SHTN1: variants seen among roughly 807,000 people sequenced by gnomAD.
SHTN1 encodes shootin 1, also known as shootin-1.
A neutral mutation model predicts 83.1 loss-of-function variants in SHTN1; 42 were observed. The ratio of observed to expected loss-of-function variants is 0.51; its 90% CI spans 0.39 to 0.65. SHTN1 has a LOEUF of 0.65. Among genes scored for constraint, SHTN1 ranks in the 30% least tolerant of loss-of-function variants. The pLI is 0.00. For missense variants in SHTN1, 622 were observed against 737.8 expected, an observed-to-expected ratio of 0.84 and a Z score of 1.82; for synonymous variants, 224 against 247.7, an observed-to-expected ratio of 0.90 and a Z score of 0.90.
chr10:117,119,459 A>T (rs553725243), intron 1 of SHTN1, among the ~76,000 whole-genome samples: 3 of 152,342 alleles, frequency 2.0e-5, no homozygotes, highest in Admixed American at 2.0e-4. Flanking sequence ...AACATCACTG[A>T]TCATCAGAGA....
upstream of SHTN1, among the ~76,000 whole-genome samples, chr10:117,006,358 A>C (rs12254776): frequency 0.02 from 3,087 of 151,650 alleles, 106 homozygotes; most frequent in African/African-American, 0.071. Context: ...CGAGGTCAGG[A>C]GATCGAGACC....
At chr10:117,086,728 T>A (rs1853358009) in intron 1 of SHTN1, among the ~76,000 whole-genome samples, 2 of 152,320 alleles carry the variant, frequency 1.3e-5, no homozygotes, top group East Asian at 1.9e-4. Context: ...AATTATCATA[T>A]GACTCAGAAA....
chr10:116,930,671 A>C (rs1249393953), intron 9 of SHTN1, among the ~76,000 whole-genome samples: 1 of 152,178 alleles, frequency 6.6e-6, no homozygotes, highest in Non-Finnish European at 1.5e-5. Flanking sequence ...TTGCTGTTGC[A>C]TATAGTGCTG....
intron 1 of SHTN1, among the ~76,000 whole-genome samples, chr10:117,071,046 TTTTA>T (rs1324608349): frequency 4.6e-5 from 7 of 152,062 alleles, no homozygotes; most frequent in Non-Finnish European, 7.4e-5. Flanking sequence ...TTTAAAAATG[TTTTA>T]TTTATGTATA....
intron 2 of SHTN1, among the ~76,000 whole-genome samples, chr10:117,013,365 G>C (rs2133557864): frequency 6.6e-6 from 1 of 152,116 alleles, no homozygotes; most frequent in South Asian, 2.1e-4. Context: ...GTAGAGACAG[G>C]GTTTCACTAT....
At chr10:116,977,119 A>G (rs552035642) in intron 2 of SHTN1, among the ~76,000 whole-genome samples, 1 of 152,360 alleles carries the variant, frequency 6.6e-6, no homozygotes, top group Non-Finnish European at 1.5e-5. Context: ...AACAACTATC[A>G]TCTCCACCAA....
At chr10:117,095,773 T>G (rs1853495669) in intron 1 of SHTN1, among the ~76,000 whole-genome samples, 2 of 152,234 alleles carry the variant, frequency 1.3e-5, no homozygotes, top group Non-Finnish European at 2.9e-5. Flanking sequence ...TAATTTCTTT[T>G]TCAGGTCTCT....
At chr10:116,952,072 A>T in intron 5 of SHTN1, 66 bp from the exon 6 acceptor site, 2 of 768,408 alleles carry the variant, frequency 2.6e-6, no homozygotes, top group Non-Finnish European at 3.8e-6. Context: ...CAATCTGGTC[A>T]AAAGAATTGA....
rs762971972 is a variant in SHTN1 at position 116,968,734 on chromosome 10, A to C, written c.112-22T>G. On this transcript the variant is annotated intron_variant, in intron 2 of 16. Coordinates refer to ENST00000355371, the MANE Select transcript of SHTN1 (RefSeq NM_001127211.3). ...CACACTGAAATGAGAGAAGTAAACAAATGTTAAACTTCAATCATAAATTTT... is the reference window on the plus strand; with the variant it reads ...CACACTGAAATGAGAGAAGTAAACACATGTTAAACTTCAATCATAAATTTT... 3 of 1,584,884 alleles carry C rather than the reference A, an allele frequency of 1.9e-6. No individual in the cohort carries two copies. In the African/African-American group the frequency reaches 4.0e-5, roughly 21 times the overall value.
At chr10:117,005,612 C>G (rs1851991779), upstream of SHTN1, 1 of 989,378 alleles carries the variant, frequency 1.0e-6, no homozygotes. Flanking sequence ...CCCTAGTTTT[C>G]CCGCAGTAGA....
chr10:117,087,590 A>T (rs972006773), intron 1 of SHTN1, among the ~76,000 whole-genome samples: 1 of 152,260 alleles, frequency 6.6e-6, no homozygotes, highest in African/African-American at 2.4e-5. Flanking sequence ...AACAAAAAGT[A>T]GATTAAGATT....
chr10:117,114,609 T>C (rs937421005), intron 1 of SHTN1, among the ~76,000 whole-genome samples: 2 of 152,122 alleles, frequency 1.3e-5, no homozygotes, highest in East Asian at 1.9e-4. Flanking sequence ...TTCCTCTACC[T>C]GGGGTGAAAA....
chr10:116,990,299 T>TC (rs1851381132), intron 1 of SHTN1, among the ~76,000 whole-genome samples: 1 of 149,044 alleles, frequency 6.7e-6, no homozygotes, highest in South Asian at 2.1e-4. Context: ...TTTTTTTTTT[T>TC]TTTTTGGTGT....
intron 16 of SHTN1, among the ~76,000 whole-genome samples, chr10:116,896,836 C>G (rs1039480541): frequency 2.1e-5 from 3 of 141,496 alleles, no homozygotes; most frequent in Non-Finnish European, 4.5e-5. Context: ...TTAAGAGTCT[C>G]ACTCTGTGGC....
At chr10:117,027,126 C>T in intron 2 of SHTN1, among the ~76,000 whole-genome samples, 1 of 152,180 alleles carries the variant, frequency 6.6e-6, no homozygotes, top group East Asian at 1.9e-4. Flanking sequence ...TTGTCCAAGA[C>T]CATTGATATA....
rs368202601 is a variant in SHTN1, at chr10:116,992,572, ACT to A, written c.58+12448_58+12449del. ...TCTAGTAGGCAAATAAGCCCCCCAA[ACT>A]CTGTTTTTTTGTGAAAATTTACATT... On this transcript the variant is annotated intron_variant, in intron 1 of 16. Transcript: ENST00000355371. Among the ~76,000 whole-genome samples, 612 of 151,874 alleles carry A rather than the reference ACT, an allele frequency of 4.0e-3. 7 individuals are homozygous for A. Among genetic ancestry groups the A allele is most frequent in the African/African-American group, 0.014 (580 of 41,388 alleles).
intron 16 of SHTN1, chr10:116,900,573 C>T (rs1311740255): frequency 1.3e-6 from 2 of 1,533,126 alleles, no homozygotes; most frequent in African/African-American, 1.4e-5. Context: ...AAAATCTATA[C>T]ACACACACTG....
intron 1 of SHTN1, among the ~76,000 whole-genome samples, chr10:117,001,806 G>A (rs541250680): frequency 9.9e-5 from 15 of 152,132 alleles, no homozygotes; most frequent in Admixed American, 3.9e-4. Context: ...ACCCTGACTT[G>A]ATCATTATGC....
intron 1 of SHTN1, among the ~76,000 whole-genome samples, chr10:117,106,426 G>A (rs1853671403): frequency 6.6e-6 from 1 of 152,192 alleles, no homozygotes; most frequent in African/African-American, 2.4e-5. Flanking sequence ...CTGCACTCTA[G>A]CCTGGGCGAC....
Sources: gnomAD v4.1 joint callset for allele counts (sites outside exome capture counted in the v4.1 genomes callset) on GRCh38, gnomAD v4.1.1 for gene constraint, MANE v1.5 for transcripts, NCBI Gene and HGNC (gene_info 2026-07-23, HGNC 2026-07-21) for gene names.